PRSS41: variants seen among roughly 807,000 people sequenced by gnomAD.
PRSS41 encodes the protein protease, serine 41.
PRSS41 carries 37 observed loss-of-function variants against 28.8 expected under a neutral mutation model. The observed-to-expected ratio is 1.29, with a 90% CI of 0.99 to 1.69. The LOEUF (loss-of-function observed/expected upper bound fraction) is 1.69. Among genes scored for constraint, PRSS41 ranks in the 40% most tolerant of loss-of-function variants. The pLI is 0.00. For synonymous variants in PRSS41, 195 were observed against 163.1 expected (o/e 1.20, Z -1.49); for missense variants, 431 against 400.7 (o/e 1.08, Z -0.65).
chr16:2,799,401 C>G (rs1339183046), exon 4 of PRSS41: 1 of 1,552,130 alleles, frequency 6.4e-7, no homozygotes, highest in Non-Finnish European at 8.7e-7. Flanking sequence ...CATTGTGAAC[C>G]CTGACGCACT....
chr16:2,803,057 A>G (rs1184407347), intron 4 of PRSS41, among the ~76,000 whole-genome samples: 1 of 152,166 alleles, frequency 6.6e-6, no homozygotes, highest in African/African-American at 2.4e-5. Context: ...TCTTATAAGG[A>G]GCACCTATCT....
chr16:2,799,108 G>A (rs2068968213), exon 3 of PRSS41: 1 of 1,525,626 alleles, frequency 6.6e-7, no homozygotes, highest in Admixed American at 2.1e-5. Context: ...GCTCTCGGCT[G>A]CGCACTGCTT....
chr16:2,804,795 C>A, intron 5 of PRSS41, 119 bp from the exon 6 acceptor site: 1 of 881,204 alleles, frequency 1.1e-6, no homozygotes, highest in Non-Finnish European at 1.8e-6. Context: ...GACTTGATTC[C>A]ATGGGAAGGA....
At chr16:2,798,971 A>C (rs2068966587) in exon 3 of PRSS41, 4 of 1,292,828 alleles carry the variant, frequency 3.1e-6, no homozygotes, top group Non-Finnish European at 4.0e-6. Flanking sequence ...GCCTGCGGCC[A>C]CCGGGAAATT....
intron 4 of PRSS41, among the ~76,000 whole-genome samples, chr16:2,801,661 G>T (rs2150799029): frequency 6.6e-6 from 1 of 151,244 alleles, no homozygotes; most frequent in Non-Finnish European, 1.5e-5. Flanking sequence ...TTGGGGGTAA[G>T]GTCACAGATC....
exon 6 of PRSS41, chr16:2,805,164 T>TG: frequency 6.6e-7 from 1 of 1,512,576 alleles, no homozygotes; most frequent in Non-Finnish European, 9.0e-7. Flanking sequence ...CACCAGAAAC[T>TG]GTGAGGCTGC....
At chr16:2,804,277 G>C in intron 4 of PRSS41, 112 bp from the exon 5 acceptor site, 1 of 1,110,228 alleles carries the variant, frequency 9.0e-7, no homozygotes, top group Non-Finnish European at 1.3e-6. Flanking sequence ...GGGTGTTGTG[G>C]GTGTGTCAGG....
chr16:2,800,246 G>A (rs1442539685), intron 4 of PRSS41, among the ~76,000 whole-genome samples: 1 of 152,086 alleles, frequency 6.6e-6, no homozygotes, highest in African/African-American at 2.4e-5. Flanking sequence ...TAAAGATATG[G>A]CATAAAAGAT....
At chr16:2,798,707 G>A in intron 2 of PRSS41, 45 bp downstream of exon 2, 8 of 1,400,732 alleles carry the variant, frequency 5.7e-6, no homozygotes, top group Non-Finnish European at 6.5e-6. Context: ...CGGCTGGGCC[G>A]GGGTGCACGG....
At chr16:2,798,921 C>CCCCCCCCCCCG in intron 2 of PRSS41, 38 bp from the exon 3 acceptor site, 1 of 1,505,872 alleles carries the variant, frequency 6.6e-7, no homozygotes, top group Non-Finnish European at 8.8e-7. Context: ...CACCCCACCC[C>CCCCCCCCCCCG]ACCCGGCAGC....
intron 5 of PRSS41, 65 bp downstream of exon 5, chr16:2,804,611 A>G (rs2069009035): frequency 6.8e-7 from 1 of 1,480,014 alleles, no homozygotes. Flanking sequence ...AGCAGCTACC[A>G]TTTCTCCCCC....
At chr16:2,799,719 C>A in intron 4 of PRSS41, 150 bp downstream of exon 4, 1 of 817,506 alleles carries the variant, frequency 1.2e-6, no homozygotes, top group South Asian at 1.7e-5. Flanking sequence ...TCCTCACTTG[C>A]TTTTCTGCTC....
intron 4 of PRSS41, among the ~76,000 whole-genome samples, chr16:2,800,242 T>C (rs2068977226): frequency 6.6e-6 from 1 of 152,064 alleles, no homozygotes; most frequent in Admixed American, 6.5e-5. Flanking sequence ...ACAGTAAAGA[T>C]ATGGCATAAA....
chr16:2,798,908 G>GGGCCC, intron 2 of PRSS41, 51 bp from the exon 3 acceptor site: 5 of 1,415,398 alleles, frequency 3.5e-6, no homozygotes, highest in South Asian at 1.3e-5. Context: ...GGGCGGGCCT[G>GGGCCC]CCCACCCCAC....
exon 6 of PRSS41, chr16:2,805,302 C>T (rs1037840373): frequency 4.9e-6 from 3 of 608,252 alleles, no homozygotes; most frequent in Admixed American, 2.9e-5. Flanking sequence ...TGTGCATGTT[C>T]AAGCTGATGC....
chr16:2,800,578 T>C (rs376895967), intron 4 of PRSS41, among the ~76,000 whole-genome samples: 6 of 148,446 alleles, frequency 4.0e-5, no homozygotes, highest in East Asian at 4.0e-4. Flanking sequence ...AAAAACAGTA[T>C]ACCTGTGCCC....
chr16:2,800,728 A>T (rs973212475), intron 4 of PRSS41, among the ~76,000 whole-genome samples: 38 of 152,112 alleles, frequency 2.5e-4, no homozygotes, highest in Admixed American at 3.3e-4. Context: ...AGGCTACACT[A>T]AATTTACCCA....
chr16:2,800,722 T>G (rs534318800), intron 4 of PRSS41, among the ~76,000 whole-genome samples: 1 of 152,284 alleles, frequency 6.6e-6, no homozygotes, highest in East Asian at 1.9e-4. Context: ...ATACTGAGGC[T>G]ACACTAAATT....
At chr16:2,801,419 T>C (rs1284375342) in intron 4 of PRSS41, among the ~76,000 whole-genome samples, 1 of 150,178 alleles carries the variant, frequency 6.7e-6, no homozygotes, top group African/African-American at 2.5e-5. Flanking sequence ...GGGACAATAG[T>C]GGAGGGAAGG....
Sources: gnomAD v4.1 joint callset for allele counts (sites outside exome capture counted in the v4.1 genomes callset) on GRCh38, gnomAD v4.1.1 for gene constraint, MANE v1.5 for transcripts, NCBI Gene and HGNC (gene_info 2026-07-23, HGNC 2026-07-21) for gene names.